The following CDKAL1 variants were observed in gnomAD, a reference collection of about 807,000 sequenced individuals.
CDKAL1 encodes the protein threonylcarbamoyladenosine tRNA methylthiotransferase.
A neutral mutation model predicts 68.2 loss-of-function variants in CDKAL1; 32 were observed. The ratio of observed to expected loss-of-function variants is 0.47; its 90% confidence interval spans 0.35 to 0.63. CDKAL1 has a LOEUF of 0.63. CDKAL1 is among the 30% of genes least tolerant of loss of function. The pLI is 0.00. For synonymous variants in CDKAL1, 234 were observed against 244.3 expected, an observed-to-expected ratio of 0.96 and a Z score of 0.39; for missense variants, 606 against 696.7, an observed-to-expected ratio of 0.87 and a Z score of 1.47.
Position 20,649,280 on chromosome 6 carries a change from A to T in CDKAL1, c.287-13A>T. On this transcript the variant is annotated splice_polypyrimidine_tract_variant and intron_variant, in intron 4 of 15. Transcript: ENST00000274695. ...TGCTACTTACTTCTTTTTTGTGTTC[A>T]TTTTTTTAATAGAAAATGCATCCGA... is the stretch of plus-strand genomic sequence containing the variant. 2.5e-6 allele frequency: 4 copies of T among 1,588,264 alleles called. No individual in the cohort carries two copies. Among genetic ancestry groups the T allele is most frequent in the East Asian group, 2.3e-5 (1 of 44,410 alleles).
intron 8 of CDKAL1, among the ~76,000 whole-genome samples, chr6:20,788,465 C>T (rs1404236278): frequency 2.0e-5 from 3 of 152,032 alleles, no homozygotes; most frequent in Non-Finnish European, 2.9e-5. Flanking sequence ...TGTCATGAGC[C>T]GAGAATGTGA....
chr6:20,816,438 A>G (rs1204157204), intron 8 of CDKAL1, among the ~76,000 whole-genome samples: 2 of 152,176 alleles, frequency 1.3e-5, no homozygotes, highest in African/African-American at 4.8e-5. Context: ...GCATTTAGTT[A>G]TACCTACAGT....
chr6:20,987,163 T>C (rs1040036179), intron 10 of CDKAL1, among the ~76,000 whole-genome samples: 2 of 152,214 alleles, frequency 1.3e-5, no homozygotes, highest in African/African-American at 4.8e-5. Flanking sequence ...CAAGATGCCT[T>C]AAGTTTTGGT....
At chr6:21,185,173 T>C (rs928412526) in intron 13 of CDKAL1, among the ~76,000 whole-genome samples, 3 of 151,648 alleles carry the variant, frequency 2.0e-5, no homozygotes, top group Non-Finnish European at 2.9e-5. Context: ...GACATGGCAA[T>C]GTTCAGGTTT....
intron 5 of CDKAL1, among the ~76,000 whole-genome samples, chr6:20,706,793 G>A (rs1263210296): frequency 6.6e-6 from 1 of 152,152 alleles, no homozygotes; most frequent in East Asian, 1.9e-4. Context: ...GTACTTGGAA[G>A]ACAGTTTAAC....
At chr6:20,681,084 T>A (rs1770354672) in intron 5 of CDKAL1, among the ~76,000 whole-genome samples, 1 of 152,222 alleles carries the variant, frequency 6.6e-6, no homozygotes. Flanking sequence ...TTGTATCATG[T>A]TAGTTGGAGA....
chr6:20,562,956 G>A (rs1404432244), intron 4 of CDKAL1, among the ~76,000 whole-genome samples: 1 of 152,196 alleles, frequency 6.6e-6, no homozygotes, highest in Non-Finnish European at 1.5e-5. Flanking sequence ...GACAGAAGAT[G>A]TAGTGCTTAT....
At chr6:20,665,786 G>C (rs554263937) in intron 5 of CDKAL1, among the ~76,000 whole-genome samples, 1 of 151,930 alleles carries the variant, frequency 6.6e-6, no homozygotes, top group Non-Finnish European at 1.5e-5. Context: ...GTAAAATGGA[G>C]ATAGGTTCTA....
At chr6:21,140,611 C>A (rs902180491) in intron 13 of CDKAL1, among the ~76,000 whole-genome samples, 2 of 152,152 alleles carry the variant, frequency 1.3e-5, no homozygotes, top group African/African-American at 2.4e-5. Context: ...TTGGTCGTTG[C>A]TAGTGGTGCT....
rs1384767364 is a variant in CDKAL1, at chr6:20,539,836, T to A, written c.-6+4442T>A. On this transcript the variant is annotated intron_variant, in intron 2 of 15. Coordinates refer to ENST00000274695, the MANE Select transcript of CDKAL1 (RefSeq NM_017774.3). The surrounding 1 kb of genome is among the most constrained non-coding windows in gnomAD (Gnocchi z 4.3). ...AGGTTTTAAAGGGATCCCTGACTTC[T>A]GTGCTGAAAATGTTCTTGTAGAGTT... 6.6e-6 allele frequency among the ~76,000 whole-genome samples: 1 copy of A among 152,162 alleles called. No homozygotes were observed. Among genetic ancestry groups the A allele is most frequent in the African/African-American group, 2.4e-5 (1 of 41,430 alleles).
chr6:20,748,433 C>T (rs1355044634), intron 6 of CDKAL1, among the ~76,000 whole-genome samples: 5 of 150,976 alleles, frequency 3.3e-5, no homozygotes, highest in South Asian at 4.2e-4. Flanking sequence ...TTGCTTGAGT[C>T]GAGGAGTTCC....
intron 15 of CDKAL1, among the ~76,000 whole-genome samples, chr6:21,204,707 CA>C (rs1194469457): frequency 1.3e-5 from 2 of 152,154 alleles, no homozygotes; most frequent in African/African-American, 4.8e-5. Flanking sequence ...TATCTGGAGT[CA>C]CAAAATTTGA....
intron 9 of CDKAL1, among the ~76,000 whole-genome samples, chr6:20,913,036 A>G (rs1449220765): frequency 2.0e-5 from 3 of 151,972 alleles, no homozygotes; most frequent in African/African-American, 7.3e-5. Flanking sequence ...GAGAGCAGAT[A>G]TCTCTGCCTA....
intron 4 of CDKAL1, among the ~76,000 whole-genome samples, chr6:20,566,469 C>T (rs1406843094): frequency 1.3e-5 from 2 of 152,082 alleles, no homozygotes; most frequent in Non-Finnish European, 2.9e-5. Context: ...AAGCATGTAT[C>T]AGTAATGGAG....
chr6:20,749,696 C>T (rs945835634), intron 6 of CDKAL1, among the ~76,000 whole-genome samples: 1 of 151,354 alleles, frequency 6.6e-6, no homozygotes, highest in Non-Finnish European at 1.5e-5. Flanking sequence ...TACAGGTGCC[C>T]GCCACCAAGC....
At chr6:20,700,367 A>AT (rs1771291550) in intron 5 of CDKAL1, among the ~76,000 whole-genome samples, 1 of 152,002 alleles carries the variant, frequency 6.6e-6, no homozygotes, top group Non-Finnish European at 1.5e-5. Flanking sequence ...AAAAAAAAAA[A>AT]AAAAATAAAT....
intron 7 of CDKAL1, among the ~76,000 whole-genome samples, chr6:20,777,030 G>A (rs1775201317): frequency 6.6e-6 from 1 of 152,180 alleles, no homozygotes; most frequent in Admixed American, 6.5e-5. Context: ...TTACTGACAT[G>A]TTTGGTGCAA....
chr6:21,020,260 C>T (rs1047586380), intron 11 of CDKAL1, among the ~76,000 whole-genome samples: 4 of 151,936 alleles, frequency 2.6e-5, no homozygotes, highest in African/African-American at 9.7e-5. Flanking sequence ...TATTTAATGG[C>T]GGGGGCAGTG....
At chr6:21,007,482 C>CAAA (rs147527333) in intron 11 of CDKAL1, among the ~76,000 whole-genome samples, 38 of 84,548 alleles carry the variant, frequency 4.5e-4, no homozygotes, top group Admixed American at 1.3e-3. Flanking sequence ...GACCCTGTCT[C>CAAA]AAAAAAAAAA....
Sources: allele counts gnomAD v4.1 joint callset (sites outside exome capture counted in the v4.1 genomes callset), GRCh38; gene constraint gnomAD v4.1.1; non-coding constraint Gnocchi (gnomAD v3.1); transcripts MANE v1.5; gene names NCBI Gene and HGNC (gene_info 2026-07-23, HGNC 2026-07-21).